CACNA1E: variants seen among roughly 807,000 people sequenced by gnomAD.
CACNA1E encodes calcium voltage-gated channel subunit alpha1 E.
Under a neutral mutation model 259.2 loss-of-function variants are expected in CACNA1E, and 40 were observed. The observed-to-expected ratio is 0.15, with a 90% CI of 0.12 to 0.20. The LOEUF is 0.20. Among genes scored for constraint, CACNA1E ranks in the 10% least tolerant of loss-of-function variants. The pLI, the probability that CACNA1E is intolerant of heterozygous loss-of-function variation, is 1.00. For synonymous variants in CACNA1E, 1,104 were observed against 1,138.5 expected, an observed-to-expected ratio of 0.97 and a Z score of 0.61; for missense variants, 1,874 against 3,040.1, an observed-to-expected ratio of 0.62 and a Z score of 9.02.
At position 181,580,731 on chromosome 1, in the gene CACNA1E, C is replaced by T. The variant is rs757759351; in HGVS notation, c.906C>T (p.Val302=). The part of the protein sequence containing the change: ...FDNILFAVLT[V]FQCITMEGWT... ...ACATCCTTTTTGCTGTGCTGACTGTCTTCCAGTGCATCACCATGGAAGGGT... is the reference window on the plus strand; with the variant it reads ...ACATCCTTTTTGCTGTGCTGACTGTTTTCCAGTGCATCACCATGGAAGGGT... The change falls in exon 6 of 48, where the codon GTC becomes GTT. Residue 302 remains valine (V), a synonymous_variant. Coordinates refer to ENST00000367573, the MANE Select transcript of CACNA1E (RefSeq NM_001205293.3). 2 of 1,614,052 alleles carry T rather than the reference C, an allele frequency of 1.2e-6. No individual in the cohort carries two copies. Among genetic ancestry groups the T allele is most frequent in the South Asian group, 2.2e-5 (2 of 91,088 alleles).
chr1:181,688,662 C>T (rs1435985762), intron 7 of CACNA1E, among the ~76,000 whole-genome samples: 1 of 152,158 alleles, frequency 6.6e-6, no homozygotes, highest in Non-Finnish European at 1.5e-5. Context: ...GTGGTAAGAA[C>T]ATTTGCTATC....
intron 6 of CACNA1E, among the ~76,000 whole-genome samples, chr1:181,585,881 T>C (rs1456303863): frequency 6.6e-6 from 1 of 152,130 alleles, no homozygotes; most frequent in East Asian, 1.9e-4. Flanking sequence ...CTGAAGGCCA[T>C]TATACAGACT....
At chr1:181,713,713 C>T (rs1572677844) in intron 8 of CACNA1E, among the ~76,000 whole-genome samples, 1 of 152,290 alleles carries the variant, frequency 6.6e-6, no homozygotes, top group Non-Finnish European at 1.5e-5. Context: ...TTTAACGAGG[C>T]CTCTGGCTCC....
rs115463235 is a variant in CACNA1E, at chr1:181,713,918, G to A, written c.1172-1420G>A. Among the ~76,000 whole-genome samples the A allele has an allele frequency of 3.6e-3, 543 of 152,186 alleles. 3 individuals carry two copies. The highest frequency in any genetic ancestry group is 0.012 in the African/African-American group (517 of 41,512). The stretch of plus-strand genomic sequence containing the variant: ...CAGTAGAGTATGGGACTGCTCCTGG[G>A]GACACCAAGTGGGAAGAGTACAGGG... On this transcript the variant is annotated intron_variant, in intron 8 of 47. Transcript: ENST00000367573.
chr1:181,742,201 G>A (rs1422916742), intron 25 of CACNA1E, among the ~76,000 whole-genome samples: 2 of 152,092 alleles, frequency 1.3e-5, no homozygotes, highest in Non-Finnish European at 2.9e-5. Flanking sequence ...AATCGTACCA[G>A]AGAATTCAGC....
intron 3 of CACNA1E, among the ~76,000 whole-genome samples, chr1:181,526,050 CAGGGATGCT>C (rs1667334724): frequency 1.3e-5 from 2 of 152,034 alleles, no homozygotes; most frequent in African/African-American, 4.8e-5. Context: ...GCCTTTGTTG[CAGGGATGCT>C]AGGTCAGGAG....
intron 7 of CACNA1E, among the ~76,000 whole-genome samples, chr1:181,687,226 C>T (rs1650672406): frequency 6.6e-6 from 1 of 152,154 alleles, no homozygotes; most frequent in Non-Finnish European, 1.5e-5. Flanking sequence ...ACAGCAGTTT[C>T]CCACCAAAAG....
At chr1:181,520,368 A>T (rs1429742048) in intron 3 of CACNA1E, among the ~76,000 whole-genome samples, 2 of 152,226 alleles carry the variant, frequency 1.3e-5, no homozygotes, top group East Asian at 3.8e-4. Flanking sequence ...ATACCAAATC[A>T]GTGAACAATA....
At chr1:181,555,095 T>A (rs1648579133) in intron 3 of CACNA1E, among the ~76,000 whole-genome samples, 1 of 152,238 alleles carries the variant, frequency 6.6e-6, no homozygotes, top group Non-Finnish European at 1.5e-5. Context: ...ACTTGAGCCA[T>A]TTTTGTTATT....
chr1:181,400,870 G>T (rs535441706), intron 1 of CACNA1E, among the ~76,000 whole-genome samples: 6 of 152,224 alleles, frequency 3.9e-5, no homozygotes, highest in Admixed American at 1.3e-4. Context: ...GGCTGCAATG[G>T]CTTCCAACTG....
At chr1:181,506,638 C>A (rs536674953) in intron 1 of CACNA1E, among the ~76,000 whole-genome samples, 1 of 152,108 alleles carries the variant, frequency 6.6e-6, no homozygotes, top group Non-Finnish European at 1.5e-5. Flanking sequence ...CTGTGGGGCA[C>A]GGGGAGAAAC....
At chr1:181,336,240 T>A (rs76358895) in intron 1 of CACNA1E, among the ~76,000 whole-genome samples, 1 of 152,352 alleles carries the variant, frequency 6.6e-6, no homozygotes, top group African/African-American at 2.4e-5. Context: ...TTCCTAGTAC[T>A]TGGCAAAATG....
chr1:181,458,101 C>G (rs1661575260), intron 2 of CACNA1E, among the ~76,000 whole-genome samples: 1 of 152,254 alleles, frequency 6.6e-6, no homozygotes, highest in Admixed American at 6.5e-5. Flanking sequence ...TCCAGAAAGT[C>G]TATTCCTGTT....
intron 1 of CACNA1E, among the ~76,000 whole-genome samples, chr1:181,497,552 G>A (rs1046115357): frequency 2.6e-5 from 4 of 152,180 alleles, no homozygotes; most frequent in Admixed American, 6.5e-5. Context: ...TGTATGACAG[G>A]CACTCTACAG....
chr1:181,707,789 A>G (rs192185215), intron 7 of CACNA1E, among the ~76,000 whole-genome samples: 53 of 152,314 alleles, frequency 3.5e-4, no homozygotes, highest in Admixed American at 9.8e-4. Flanking sequence ...TTGTCATTAA[A>G]AAAAATCTAC....
chr1:181,322,961 C>T (rs561834256), intron 1 of CACNA1E, among the ~76,000 whole-genome samples: 17 of 152,286 alleles, frequency 1.1e-4, no homozygotes, highest in African/African-American at 3.1e-4. Context: ...GCGTATGGCA[C>T]GGGAGTGCAT....
intron 39 of CACNA1E, among the ~76,000 whole-genome samples, chr1:181,783,116 G>A (rs1349935452): frequency 2.6e-5 from 4 of 152,050 alleles, no homozygotes; most frequent in African/African-American, 9.7e-5. Flanking sequence ...TAGACAAGTT[G>A]GACTTATGCA....
chr1:181,413,807 G>C (rs966460784), intron 2 of CACNA1E, among the ~76,000 whole-genome samples: 3 of 152,244 alleles, frequency 2.0e-5, no homozygotes, highest in African/African-American at 7.2e-5. Flanking sequence ...GCGTTCAGCT[G>C]TCAGATGTGG....
chr1:181,788,573 C>T (rs955716679), intron 43 of CACNA1E, among the ~76,000 whole-genome samples: 15 of 152,062 alleles, frequency 9.9e-5, no homozygotes, highest in African/African-American at 2.9e-4. Flanking sequence ...ACTAAAATCT[C>T]GAGGCAGAAA....
Sources: allele counts gnomAD v4.1 joint callset (sites outside exome capture counted in the v4.1 genomes callset), GRCh38; gene constraint gnomAD v4.1.1; transcripts MANE v1.5; gene names NCBI Gene and HGNC (gene_info 2026-07-23, HGNC 2026-07-21).